The following TENM2 variants were observed in gnomAD, a reference collection of about 807,000 sequenced individuals.
TENM2 encodes teneurin-2.
A neutral mutation model predicts 245.2 loss-of-function variants in TENM2; 52 were observed. That is an observed-to-expected ratio of 0.21 (90% CI 0.17 to 0.27). The LOEUF (loss-of-function observed/expected upper bound fraction) is 0.27. Ranked by LOEUF, TENM2 falls within the 10% of genes least tolerant of loss-of-function variation. The pLI is 1.00. For missense variants in TENM2, 3,046 were observed against 3,666.8 expected, an observed-to-expected ratio of 0.83 and a Z score of 4.37; for synonymous variants, 1,363 against 1,438.9, an observed-to-expected ratio of 0.95 and a Z score of 1.19.
rs150645346 is a variant in TENM2, at chr5:167,701,621, A to C, written c.503-174365A>C. 4.0e-3 allele frequency among the ~76,000 whole-genome samples: 611 copies of C among 152,286 alleles called. 2 individuals are homozygous for C. Among genetic ancestry groups the C allele is most frequent in the Middle Eastern group, 0.034 (10 of 294 alleles). ...TCTGGTTCTGTGTCTTACTTGAAAAATAGGAAGGATAATAAGCCCTCACCT... is the reference window on the plus strand; with the variant it reads ...TCTGGTTCTGTGTCTTACTTGAAAACTAGGAAGGATAATAAGCCCTCACCT... On this transcript the variant is annotated intron_variant, in intron 2 of 28. Transcript: ENST00000518659.
chr5:168,250,264 A>T (rs1767000906), intron 27 of TENM2, among the ~76,000 whole-genome samples: 1 of 151,808 alleles, frequency 6.6e-6, no homozygotes, highest in Non-Finnish European at 1.5e-5. Flanking sequence ...GGATAGATGG[A>T]TGGTTGGTAG....
intron 2 of TENM2, among the ~76,000 whole-genome samples, chr5:167,859,620 T>A (rs1442706503): frequency 1.4e-5 from 1 of 70,052 alleles, no homozygotes; most frequent in African/African-American, 6.6e-5. Context: ...GGGTCAGCCC[T>A]CCGCCCGGCC....
chr5:168,014,096 C>A (rs140762432), intron 5 of TENM2, among the ~76,000 whole-genome samples: 1 of 152,202 alleles, frequency 6.6e-6, no homozygotes, highest in Non-Finnish European at 1.5e-5. Flanking sequence ...AGGTCACATT[C>A]ACAGCTATTG....
chr5:167,947,426 CAG>C (rs1458615004), intron 3 of TENM2, among the ~76,000 whole-genome samples: 1 of 152,102 alleles, frequency 6.6e-6, no homozygotes, highest in African/African-American at 2.4e-5. Context: ...GTGAACGACT[CAG>C]AAAGAAAAAT....
At chr5:167,081,760 A>C in the TENM2 span, among the ~76,000 whole-genome samples, 2 of 152,238 alleles carry the variant, frequency 1.3e-5, no homozygotes, top group Non-Finnish European at 2.9e-5. Context: ...ATCTCACTTC[A>C]GAGATGATAT....
Position 167,791,495 on chromosome 5 carries a change from AT to A in TENM2, c.503-84486del, listed in dbSNP as rs575634625. On this transcript the variant is annotated intron_variant, in intron 2 of 28. Coordinates refer to ENST00000518659, the Ensembl canonical transcript of TENM2. ...ATAATTTATTATATATATAATGTATATTTTTATATATTATAATATATAAATA... is the reference window on the plus strand; with the variant it reads ...ATAATTTATTATATATATAATGTATATTTTATATATTATAATATATAAATA... Among the ~76,000 whole-genome samples the A allele has an allele frequency of 1.7e-3, 86 of 50,282 alleles. No homozygotes were observed. The Admixed American group carries it at 0.02, about 12-fold the overall frequency. 33.0% of individuals were successfully genotyped at this position (50,282 alleles called of 152,430 possible).
At chr5:167,138,014 T>C in the TENM2 span, among the ~76,000 whole-genome samples, 1 of 152,190 alleles carries the variant, frequency 6.6e-6, no homozygotes, top group Non-Finnish European at 1.5e-5. Context: ...ATATTTATAT[T>C]ACCAATTCTG....
chr5:167,225,190 A>T, the TENM2 span, among the ~76,000 whole-genome samples: 1 of 151,654 alleles, frequency 6.6e-6, no homozygotes, highest in Non-Finnish European at 1.5e-5. Context: ...TTTAGGGCTT[A>T]TAGCACTGTG....
At chr5:167,386,576 A>G (rs1581907716) in intron 2 of TENM2, among the ~76,000 whole-genome samples, 1 of 152,188 alleles carries the variant, frequency 6.6e-6, no homozygotes, top group African/African-American at 2.4e-5. Context: ...GTTCCTGGTC[A>G]TAAAATCCTT....
intron 23 of TENM2, among the ~76,000 whole-genome samples, chr5:168,222,053 G>A (rs1195319819): frequency 1.3e-5 from 2 of 152,158 alleles, no homozygotes; most frequent in African/African-American, 4.8e-5. Context: ...TAGGCTAATG[G>A]GATTTGAGAG....
At chr5:167,819,649 C>A (rs1007471277) in intron 2 of TENM2, among the ~76,000 whole-genome samples, 3 of 152,194 alleles carry the variant, frequency 2.0e-5, no homozygotes, top group Admixed American at 6.5e-5. Context: ...ATCATCTTAC[C>A]TTTACCGTGC....
At chr5:168,246,664 T>G in intron 26 of TENM2, 93 bp from the exon 29 acceptor site, 6 of 1,258,502 alleles carry the variant, frequency 4.8e-6, no homozygotes, top group Non-Finnish European at 5.6e-6. Context: ...ACTTTTGAGT[T>G]GACATTTGGG....
chr5:167,545,484 A>G (rs1772498458), intron 2 of TENM2, among the ~76,000 whole-genome samples: 1 of 152,210 alleles, frequency 6.6e-6, no homozygotes, highest in Non-Finnish European at 1.5e-5. Context: ...ATCTTGCTAG[A>G]TAAACATGTT....
At chr5:168,064,814 G>A (rs564335795) in intron 7 of TENM2, among the ~76,000 whole-genome samples, 17 of 152,250 alleles carry the variant, frequency 1.1e-4, no homozygotes, top group African/African-American at 3.1e-4. Flanking sequence ...CCACCGTGCC[G>A]ATGCTTAGAA....
chr5:167,646,696 T>G (rs1478988040), intron 2 of TENM2, among the ~76,000 whole-genome samples: 13 of 151,816 alleles, frequency 8.6e-5, no homozygotes. Context: ...TAGGGAGAAT[T>G]CCATATGTCC....
chr5:168,059,701 C>T (rs1562108055), intron 6 of TENM2, among the ~76,000 whole-genome samples: 1 of 152,014 alleles, frequency 6.6e-6, no homozygotes, highest in East Asian at 1.9e-4. Flanking sequence ...AATTTAGTTT[C>T]CAGTTTATAG....
chr5:167,023,116 T>C, the TENM2 span, among the ~76,000 whole-genome samples: 1 of 152,162 alleles, frequency 6.6e-6, no homozygotes, highest in Admixed American at 6.5e-5. Flanking sequence ...GAATTTTAGC[T>C]TCTAAGATTC....
chr5:167,849,090 G>T (rs183783309), intron 2 of TENM2, among the ~76,000 whole-genome samples: 1 of 152,188 alleles, frequency 6.6e-6, no homozygotes, highest in Non-Finnish European at 1.5e-5. Flanking sequence ...GTGTCAACAT[G>T]ACAGCATTTC....
intron 2 of TENM2, among the ~76,000 whole-genome samples, chr5:167,772,575 A>G (rs1182007907): frequency 6.6e-6 from 1 of 151,624 alleles, no homozygotes; most frequent in Non-Finnish European, 1.5e-5. Context: ...TCAATTACAT[A>G]CCAGGCCCGA....
Sources: gnomAD v4.1 joint callset for allele counts (sites outside exome capture counted in the v4.1 genomes callset) on GRCh38, gnomAD v4.1.1 for gene constraint, MANE v1.5 for transcripts, NCBI Gene and HGNC (gene_info 2026-07-23, HGNC 2026-07-21) for gene names.